The following KCNJ12 variants were observed in gnomAD, a reference collection of about 807,000 sequenced individuals.
KCNJ12 encodes ATP-sensitive inward rectifier potassium channel 12.
Under a neutral mutation model 22.3 loss-of-function variants are expected in KCNJ12, and 2 were observed. That is an observed-to-expected ratio of 0.09 (90% CI 0.04 to 0.28). The LOEUF (loss-of-function observed/expected upper bound fraction) is 0.28. Ranked by LOEUF, KCNJ12 falls within the 10% of genes least tolerant of loss-of-function variation. KCNJ12 has a pLI of 1.00. For synonymous variants in KCNJ12, 117 were observed against 261.4 expected (o/e 0.45, Z 5.33); for missense variants, 155 against 633.3 (o/e 0.24, Z 8.11).
chr17:21,406,430 T>C (rs1387768382), intron 1 of KCNJ12, among the ~76,000 whole-genome samples: 2,381 of 151,774 alleles, frequency 0.016, no homozygotes, highest in Non-Finnish European at 0.022. Flanking sequence ...CATCCATCTC[T>C]GAACCTCTGT....
intron 1 of KCNJ12, among the ~76,000 whole-genome samples, chr17:21,401,420 C>T (rs1905618598): frequency 1.3e-5 from 2 of 152,274 alleles, no homozygotes; most frequent in South Asian, 4.1e-4. Flanking sequence ...TCCTGCTGGC[C>T]TGGCAGAAAG....
chr17:21,383,908 G>A (rs1297314698), intron 1 of KCNJ12, among the ~76,000 whole-genome samples: 1 of 152,134 alleles, frequency 6.6e-6, no homozygotes, highest in East Asian at 1.9e-4. Context: ...ATATTTTGTT[G>A]AATATAACAG....
At chr17:21,406,572 G>A (rs1324798341) in intron 1 of KCNJ12, among the ~76,000 whole-genome samples, 1 of 152,308 alleles carries the variant, frequency 6.6e-6, no homozygotes, top group Non-Finnish European at 1.5e-5. Flanking sequence ...AAGAGGGACT[G>A]AAGGGCCACT....
In KCNJ12 at chr17:21,381,599, G is replaced by A. The variant is rs565249024; in HGVS notation, c.-179+4686G>A. 4.9e-4 allele frequency among the ~76,000 whole-genome samples: 75 copies of A among 152,102 alleles called. 1 individual carries two copies. The South Asian group carries it at 0.015, about 30-fold the overall frequency. ...AATGTTCTTTCCCAGATCTCTGCACGGCCCCTCCCTTACCGCTTTCATGTC... is the reference window on the plus strand; with the variant it reads ...AATGTTCTTTCCCAGATCTCTGCACAGCCCCTCCCTTACCGCTTTCATGTC... On this transcript the variant is annotated intron_variant, in intron 1 of 2. Transcript: ENST00000583088.
intron 1 of KCNJ12, among the ~76,000 whole-genome samples, chr17:21,401,115 C>T (rs1905598901): frequency 1.3e-5 from 2 of 152,290 alleles, no homozygotes; most frequent in African/African-American, 4.8e-5. Flanking sequence ...GAACCTGCTC[C>T]ACTGTCTCGG....
At chr17:21,384,140 T>A (rs143826509) in intron 1 of KCNJ12, among the ~76,000 whole-genome samples, 19 of 152,268 alleles carry the variant, frequency 1.2e-4, no homozygotes, top group Non-Finnish European at 1.8e-4. Context: ...TGCCTTTTTT[T>A]AAATTCGTAT....
At chr17:21,405,594 C>T (rs2142066710) in intron 1 of KCNJ12, among the ~76,000 whole-genome samples, 1 of 152,392 alleles carries the variant, frequency 6.6e-6, no homozygotes, top group African/African-American at 2.4e-5. Flanking sequence ...TGGGGGATTT[C>T]AGCCCCAGCC....
intron 1 of KCNJ12, among the ~76,000 whole-genome samples, chr17:21,386,237 G>A (rs1252985909): frequency 1.3e-5 from 2 of 152,218 alleles, no homozygotes; most frequent in East Asian, 1.9e-4. Flanking sequence ...CAACTTCTGG[G>A]GCTTCTGGCG....
chr17:21,394,267 T>C (rs1230158194), intron 1 of KCNJ12, among the ~76,000 whole-genome samples: 1 of 152,234 alleles, frequency 6.6e-6, no homozygotes, highest in Non-Finnish European at 1.5e-5. Context: ...TGTTTAACTA[T>C]GTATAGATAC....
chr17:21,399,535 G>A (rs982796239), intron 1 of KCNJ12, among the ~76,000 whole-genome samples: 1 of 152,132 alleles, frequency 6.6e-6, no homozygotes, highest in Non-Finnish European at 1.5e-5. Context: ...GGCCAAACAG[G>A]GGCCAGACAC....
At chr17:21,410,836 T>C (rs1906290995) in intron 2 of KCNJ12, among the ~76,000 whole-genome samples, 3 of 152,294 alleles carry the variant, frequency 2.0e-5, no homozygotes, top group Admixed American at 1.3e-4. Flanking sequence ...TCTGCTCATC[T>C]GGAAAATGGG....
chr17:21,395,568 CAA>C (rs10652801), intron 1 of KCNJ12, among the ~76,000 whole-genome samples: 7 of 48,130 alleles, frequency 1.5e-4, no homozygotes, highest in East Asian at 9.7e-4. Flanking sequence ...GACTTCTTCT[CAA>C]AAAAAAAAAA....
intron 1 of KCNJ12, among the ~76,000 whole-genome samples, chr17:21,407,010 G>A (rs1428498586): frequency 6.6e-6 from 1 of 152,274 alleles, no homozygotes; most frequent in African/African-American, 2.4e-5. Flanking sequence ...GGACCATGTA[G>A]GATGTATGTG....
Position 21,389,186 on chromosome 17 carries a change from A to G in KCNJ12, c.-179+12273A>G, listed in dbSNP as rs1357632761. On this transcript the variant is annotated intron_variant, in intron 1 of 2. Coordinates refer to ENST00000583088, the MANE Select transcript of KCNJ12 (RefSeq NM_021012.5). ...GAGTCCTGCTATTCACAGGTGGAGA[A>G]ATGGAGGCCGGGAGAAGGGGAGGGA... 2.6e-5 allele frequency among the ~76,000 whole-genome samples: 4 copies of G among 152,306 alleles called. No homozygotes were observed. In the East Asian group the frequency reaches 7.7e-4, roughly 29 times the overall value.
intron 1 of KCNJ12, among the ~76,000 whole-genome samples, chr17:21,384,416 G>A (rs1274419111): frequency 1.3e-5 from 2 of 152,152 alleles, no homozygotes; most frequent in Non-Finnish European, 2.9e-5. Context: ...GAGAGGTACC[G>A]AGTCCTCGCC....
intron 1 of KCNJ12, among the ~76,000 whole-genome samples, chr17:21,392,884 T>C (rs1451146219): frequency 6.6e-6 from 1 of 152,104 alleles, no homozygotes; most frequent in Non-Finnish European, 1.5e-5. Context: ...CTGAATTTCA[T>C]AGGCAGGGCA....
intron 1 of KCNJ12, among the ~76,000 whole-genome samples, chr17:21,380,108 C>T (rs1904815319): frequency 6.6e-6 from 1 of 152,168 alleles, no homozygotes; most frequent in Non-Finnish European, 1.5e-5. Flanking sequence ...TAGCTTTCTC[C>T]CTGCCTTACC....
chr17:21,413,738 GC>G (rs1470744012), intron 2 of KCNJ12, among the ~76,000 whole-genome samples: 1 of 152,312 alleles, frequency 6.6e-6, no homozygotes, highest in Non-Finnish European at 1.5e-5. Flanking sequence ...CCGGGGGTGG[GC>G]ACGTCAGTGG....
chr17:21,408,805 C>T (rs1440857474), intron 2 of KCNJ12, among the ~76,000 whole-genome samples, 165 bp downstream of exon 2: 49 of 152,188 alleles, frequency 3.2e-4, no homozygotes, highest in African/African-American at 1.1e-3. Flanking sequence ...ATGCCTCCAC[C>T]CCTCCATCCA....
Sources: allele counts gnomAD v4.1 joint callset (sites outside exome capture counted in the v4.1 genomes callset), GRCh38; gene constraint gnomAD v4.1.1; transcripts MANE v1.5; gene names NCBI Gene and HGNC (gene_info 2026-07-23, HGNC 2026-07-21).